Variants in LNX1 observed in about 807,000 individuals in gnomAD.
The protein encoded by LNX1 is E3 ubiquitin-protein ligase LNX.
In LNX1, 54 loss-of-function variants were observed where a neutral mutation model predicts 68.4. That is an observed-to-expected ratio of 0.79 (90% confidence interval 0.63 to 0.99). The LOEUF (loss-of-function observed/expected upper bound fraction) is 0.99. Among genes scored for constraint, LNX1 ranks in the 50% least tolerant of loss-of-function variants. The pLI, the probability that LNX1 is intolerant of heterozygous loss-of-function variation, is 0.00. For missense variants in LNX1, 906 were observed against 926.4 expected (o/e 0.98, Z 0.29); for synonymous variants, 336 against 350.0 (o/e 0.96, Z 0.45).
At chr4:53,601,702 C>T (rs978125795) in intron 2 of LNX1, among the ~76,000 whole-genome samples, 5 of 152,148 alleles carry the variant, frequency 3.3e-5, no homozygotes, top group Admixed American at 6.6e-5. Flanking sequence ...CTAGAGGCAG[C>T]TGCACACACC....
intron 1 of LNX1, among the ~76,000 whole-genome samples, chr4:53,579,688 C>T (rs966408773): frequency 2.0e-5 from 3 of 152,124 alleles, no homozygotes; most frequent in African/African-American, 7.2e-5. Flanking sequence ...GAAGTGGAAA[C>T]ATTTCTGCAT....
chr4:53,524,566 T>C (rs1156741767), intron 2 of LNX1, among the ~76,000 whole-genome samples: 1 of 152,144 alleles, frequency 6.6e-6, no homozygotes, highest in Non-Finnish European at 1.5e-5. Flanking sequence ...ACCAGTAAAA[T>C]GACAGATCAA....
chr4:53,466,689 T>C (rs141099044), intron 9 of LNX1, among the ~76,000 whole-genome samples: 96 of 152,350 alleles, frequency 6.3e-4, no homozygotes, highest in African/African-American at 2.3e-3. Context: ...CAGGAGATTA[T>C]ATCCCGCACC....
At chr4:53,491,576 G>A (rs1361491640) in intron 6 of LNX1, among the ~76,000 whole-genome samples, 1 of 152,162 alleles carries the variant, frequency 6.6e-6, no homozygotes, top group Non-Finnish European at 1.5e-5. Flanking sequence ...ACAAAGAGTA[G>A]ATATGGTATC....
At chr4:53,535,412 C>A (rs979508315) in intron 2 of LNX1, among the ~76,000 whole-genome samples, 1 of 152,168 alleles carries the variant, frequency 6.6e-6, no homozygotes, top group Non-Finnish European at 1.5e-5. Flanking sequence ...TCCCGTCCAT[C>A]AAGAATAGCA....
At position 53,573,844 on chromosome 4, in the gene LNX1, G is replaced by A; in HGVS notation, c.159C>T (p.Asp53=). 1 of 1,613,750 alleles carries A rather than the reference G, an allele frequency of 6.2e-7. No individual in the cohort carries two copies. The highest frequency in any genetic ancestry group is 8.5e-7 in the Non-Finnish European group (1 of 1,179,814). ...TGCAGTAGGTGTGTCCACACGGAGT[G>A]TCCAGGGGGTCCAGCAAAGCCTGCA... The part of the protein sequence containing the change: ...ICLQALLDPL[D]TPCGHTYCTL... Residue 53 remains aspartate (D), a synonymous_variant, in exon 2 of 11, where the codon GAC becomes GAT. Transcript: ENST00000263925.
At position 53,495,548 on chromosome 4, in the gene LNX1, C is replaced by CTTTTTTTTTTTTTTTTTTTTTTTTTTT. The variant is rs199684639; in HGVS notation, c.1350+474_1350+475insAAAAAAAAAAAAAAAAAAAAAAAAAAA. Reference sequence around the variant, plus strand: ...GATCCCTGGAGAATGCATGGCATAGCTTTTTTTTTTTTTAAGATGGGTCTT... The same window carrying CTTTTTTTTTTTTTTTTTTTTTTTTTTT: ...GATCCCTGGAGAATGCATGGCATAGCTTTTTTTTTTTTTTTTTTTTTTTTTTTTTTTTTTTTTTTTAAGATGGGTCTT... On this transcript the variant is annotated intron_variant, in intron 6 of 10. Coordinates refer to ENST00000263925, the MANE Select transcript of LNX1 (RefSeq NM_001126328.3). 4.0e-4 allele frequency among the ~76,000 whole-genome samples: 48 copies of CTTTTTTTTTTTTTTTTTTTTTTTTTTT among 119,388 alleles called. 8 individuals carry two copies. The highest frequency in any genetic ancestry group is 4.8e-3 in the Middle Eastern group (1 of 208). 78.3% of individuals were successfully genotyped at this position (119,388 alleles called of 152,430 possible).
intron 1 of LNX1, among the ~76,000 whole-genome samples, chr4:53,578,466 T>C (rs1268573201): frequency 6.6e-6 from 1 of 152,228 alleles, no homozygotes; most frequent in Non-Finnish European, 1.5e-5. Context: ...TAAGTATTTA[T>C]ATATCTAAAC....
At chr4:53,552,408 G>A (rs1226593548) in intron 2 of LNX1, among the ~76,000 whole-genome samples, 1 of 152,192 alleles carries the variant, frequency 6.6e-6, no homozygotes, top group Non-Finnish European at 1.5e-5. Flanking sequence ...AAAGTGGGAA[G>A]GAGATGAAAA....
chr4:53,523,866 T>C (rs2109587160), intron 2 of LNX1, among the ~76,000 whole-genome samples: 1 of 152,306 alleles, frequency 6.6e-6, no homozygotes, highest in South Asian at 2.1e-4. Flanking sequence ...ATCCTCCTGC[T>C]TCCCCTGGCA....
intron 1 of LNX1, among the ~76,000 whole-genome samples, chr4:53,635,292 TG>T (rs1189321839): frequency 6.6e-6 from 1 of 152,214 alleles, no homozygotes; most frequent in Non-Finnish European, 1.5e-5. Flanking sequence ...GCACTGACGT[TG>T]TTTGAACTAG....
intron 1 of LNX1, among the ~76,000 whole-genome samples, chr4:53,580,061 G>A (rs1731738351): frequency 6.6e-6 from 1 of 152,136 alleles, no homozygotes; most frequent in Non-Finnish European, 1.5e-5. Context: ...AAACACTATA[G>A]CCACAGACTC....
chr4:53,561,548 T>C (rs1211150038), intron 2 of LNX1, among the ~76,000 whole-genome samples: 3 of 152,140 alleles, frequency 2.0e-5, no homozygotes, highest in Non-Finnish European at 2.9e-5. Flanking sequence ...TTTCTTTCAA[T>C]AAAGTCTTCC....
chr4:53,476,188 T>C (rs1328562746), intron 9 of LNX1, among the ~76,000 whole-genome samples: 2 of 152,110 alleles, frequency 1.3e-5, no homozygotes, highest in Non-Finnish European at 2.9e-5. Context: ...TCCCAGCTAC[T>C]TGGGGAGGCT....
intron 1 of LNX1, among the ~76,000 whole-genome samples, chr4:53,623,315 CA>C (rs1733954772): frequency 6.6e-6 from 1 of 151,850 alleles, no homozygotes; most frequent in South Asian, 2.1e-4. Context: ...GTGATCCTCC[CA>C]CCTCAGTTTA....
chr4:53,614,181 T>A (rs1389361794), intron 2 of LNX1, among the ~76,000 whole-genome samples: 2 of 152,192 alleles, frequency 1.3e-5, no homozygotes, highest in Non-Finnish European at 1.5e-5. Context: ...GTTTGTTGAT[T>A]TAAGTCCATT....
At chr4:53,529,895 G>A (rs143567270) in intron 2 of LNX1, among the ~76,000 whole-genome samples, 141 of 152,186 alleles carry the variant, frequency 9.3e-4, no homozygotes, top group African/African-American at 3.2e-3. Flanking sequence ...TCTATTCCAA[G>A]ACATGTACAG....
chr4:53,475,652 T>C (rs1214604729), intron 9 of LNX1, among the ~76,000 whole-genome samples: 1 of 152,222 alleles, frequency 6.6e-6, no homozygotes, highest in Non-Finnish European at 1.5e-5. Flanking sequence ...TATTCACACA[T>C]TGGAACAGCA....
chr4:53,642,053 C>T (rs1734705465), intron 1 of LNX1, among the ~76,000 whole-genome samples: 1 of 151,622 alleles, frequency 6.6e-6, no homozygotes, highest in African/African-American at 2.4e-5. Flanking sequence ...GAGAACTCAT[C>T]TCTACAAAAA....
Sources: gnomAD v4.1 joint callset for allele counts (sites outside exome capture counted in the v4.1 genomes callset) on GRCh38, gnomAD v4.1.1 for gene constraint, MANE v1.5 for transcripts, NCBI Gene and HGNC (gene_info 2026-07-23, HGNC 2026-07-21) for gene names.